GPRC6A: variants seen among roughly 807,000 people sequenced by gnomAD.
GPRC6A encodes the protein G protein-coupled receptor family C group 6 member A.
Under a neutral mutation model 47.0 loss-of-function variants are expected in GPRC6A, and 54 were observed. The ratio of observed to expected loss-of-function variants is 1.15; its 90% CI spans 0.92 to 1.44. The LOEUF is 1.44. Ranked by LOEUF, GPRC6A falls within the 40% of genes most tolerant of loss-of-function variation. The probability of loss-of-function intolerance (pLI) is 0.00; values close to 1 mark genes in which losing one functional copy is unlikely to be tolerated. For synonymous variants in GPRC6A, 347 were observed against 377.1 expected, an observed-to-expected ratio of 0.92 and a Z score of 0.93; for missense variants, 1,112 against 1,105.5, an observed-to-expected ratio of 1.01 and a Z score of -0.08.
chr6:116,817,986 A>G (rs1281772393), intron 1 of GPRC6A, among the ~76,000 whole-genome samples: 2 of 152,134 alleles, frequency 1.3e-5, no homozygotes, highest in Admixed American at 1.3e-4. Flanking sequence ...AACTTCCCCA[A>G]TCTAGCAAGG....
intron 1 of GPRC6A, among the ~76,000 whole-genome samples, chr6:116,818,967 C>T (rs1266616294): frequency 6.6e-6 from 1 of 152,140 alleles, no homozygotes; most frequent in African/African-American, 2.4e-5. Context: ...AAACCCATCT[C>T]ACGTGCAGAG....
intron 4 of GPRC6A, among the ~76,000 whole-genome samples, chr6:116,798,563 C>T (rs1008868309): frequency 1.3e-5 from 2 of 152,116 alleles, no homozygotes; most frequent in African/African-American, 4.8e-5. Flanking sequence ...CTATGTTTTA[C>T]AGGACCACTT....
rs1185893549 is a variant in GPRC6A, at chr6:116,828,826, C to T, written c.188G>A (p.Cys63Tyr). ...TTTTTTGAGACTTACTCACCCAACA[C>T]ACTCCTGGATTTGTGGTCGTCTGGG... ...DSPRRPQIQE[C>Y]VGFEISVFLQ... The change falls in exon 1 of 6, where the codon TGT becomes TAT. Residue 63 changes from cysteine to tyrosine, a missense_variant. Transcript: ENST00000310357. 2 of 1,611,310 alleles carry T rather than the reference C, an allele frequency of 1.2e-6. No individual in the cohort carries two copies. The highest frequency in any genetic ancestry group is 1.7e-5 in the Admixed American group (1 of 59,766).
At chr6:116,806,252 CTATT>C (rs1168504232) in intron 3 of GPRC6A, 114 bp downstream of exon 3, 9 of 669,522 alleles carry the variant, frequency 1.3e-5, no homozygotes, top group Non-Finnish European at 2.4e-5. Flanking sequence ...CTGAAAGTGT[CTATT>C]TATAAAAGGA....
chr6:116,809,891 T>C lies in GPRC6A; in HGVS notation c.195-274A>G, dbSNP rs138973448. Among the ~76,000 whole-genome samples, 53 of 152,302 alleles carry C rather than the reference T, an allele frequency of 3.5e-4. 1 individual carries two copies. The highest frequency in any genetic ancestry group is 1.0e-3 in the African/African-American group (43 of 41,570). On this transcript the variant is annotated intron_variant, in intron 1 of 5. Coordinates refer to ENST00000310357, the MANE Select transcript of GPRC6A (RefSeq NM_148963.4). ...TTTTGAACACTGCAATATGAAGATG[T>C]GTTTGATTTTTGTTCCTTTTTGTAG...
chr6:116,821,408 C>A (rs937061448), intron 1 of GPRC6A, among the ~76,000 whole-genome samples: 1 of 152,064 alleles, frequency 6.6e-6, no homozygotes, highest in African/African-American at 2.4e-5. Flanking sequence ...CCAAGTCAAT[C>A]CTAAGCCAAA....
chr6:116,792,946 A>G lies in GPRC6A; in HGVS notation c.1977T>C (p.Cys659=). The G allele has an allele frequency of 6.2e-7, 1 of 1,614,096 alleles. No individual in the cohort carries two copies. The highest frequency in any genetic ancestry group is 8.5e-7 in the Non-Finnish European group (1 of 1,179,968). Residue 659 remains cysteine, a synonymous_variant, in exon 6 of 6, where the codon TGT becomes TGC. Transcript: ENST00000310357. ...FFIGEPQDFT[C]KTRQTMFGVS... ...CTCCAAACATTGTCTGCCTGGTTTT[A>G]CATGTGAAGTCTTGTGGTTCTCCAA...
chr6:116,827,166 T>C (rs1175347370), intron 1 of GPRC6A, among the ~76,000 whole-genome samples: 4 of 151,986 alleles, frequency 2.6e-5, no homozygotes, highest in East Asian at 3.9e-4. Context: ...TTAGCAACAA[T>C]GTATTGGATA....
At position 116,809,561 on chromosome 6, in the gene GPRC6A, A is replaced by G. The variant is rs1562483363; in HGVS notation, c.251T>C (p.Ile84Thr). 1.2e-6 allele frequency: 2 copies of G among 1,612,752 alleles called. No individual in the cohort carries two copies. The change falls in exon 2 of 6, where the codon ATC becomes ACC. Residue 84 changes from isoleucine to threonine, a missense_variant. Transcript: ENST00000310357. ...TLAMIHSIEM[I>T]NNSTLLPGVK... is the part of the protein sequence containing the mutation. Reference sequence around the variant, plus strand: ...TCCAGGTAAGAGTGTTGAATTGTTGATCATCTCAATGCTGTGTATCATGGC... The same window carrying G: ...TCCAGGTAAGAGTGTTGAATTGTTGGTCATCTCAATGCTGTGTATCATGGC...
intron 1 of GPRC6A, among the ~76,000 whole-genome samples, chr6:116,820,401 AC>A (rs1773422613): frequency 6.6e-6 from 1 of 152,082 alleles, no homozygotes; most frequent in Non-Finnish European, 1.5e-5. Context: ...CAGAGACACA[AC>A]CAAAAAAGAG....
Position 116,824,940 on chromosome 6 carries a change from A to C in GPRC6A, c.194+3880T>G, listed in dbSNP as rs117859216. Reference sequence around the variant, plus strand: ...ATGCAAGGATAGTTTAACATATACAAATCAATAAATGTAATACATCACATC... The same window carrying C: ...ATGCAAGGATAGTTTAACATATACACATCAATAAATGTAATACATCACATC... On this transcript the variant is annotated intron_variant, in intron 1 of 5. Coordinates refer to ENST00000310357, the MANE Select transcript of GPRC6A (RefSeq NM_148963.4). Among the ~76,000 whole-genome samples the C allele has an allele frequency of 2.2e-3, 333 of 152,244 alleles. 4 individuals are homozygous for C. Among genetic ancestry groups the C allele is most frequent in the Non-Finnish European group, 5.7e-4 (39 of 67,974 alleles).
intron 1 of GPRC6A, among the ~76,000 whole-genome samples, chr6:116,814,418 G>A (rs1391639250): frequency 6.6e-6 from 1 of 152,148 alleles, no homozygotes; most frequent in Non-Finnish European, 1.5e-5. Context: ...GGAGTACTAT[G>A]CAGCCATAAA....
At position 116,800,565 on chromosome 6, in the gene GPRC6A, C is replaced by T. The variant is rs376053499; in HGVS notation, c.1548+19G>A. ...ACCAATTGCTTTGAGTGCTACAAAA[C>T]GGCCTACAACAAGGTTACCTTAAGA... On this transcript the variant is annotated intron_variant, in intron 4 of 5. Transcript: ENST00000310357. The T allele has an allele frequency of 2.8e-5, 43 of 1,548,732 alleles. No individual in the cohort carries two copies. Among genetic ancestry groups the T allele is most frequent in the South Asian group, 8.9e-5 (8 of 89,720 alleles).
In GPRC6A at chr6:116,793,230, A is replaced by G. The variant is rs1330621055; in HGVS notation, c.1693T>C (p.Cys565Arg). The change falls in exon 6 of 6, where the codon TGC (cysteine) becomes CGC (arginine). Residue 565 changes from cysteine to arginine, a missense_variant. Cys to Arg is a radical substitution (Grantham distance 180). Coordinates refer to ENST00000310357, the MANE Select transcript of GPRC6A (RefSeq NM_148963.4). ...NQTDMPHCLL[C>R]NNKTHWAPVR... ...GGGGCCCAGTGAGTTTTGTTGTTGC[A>G]TAAAAGGCAGTGAGGCATATCTAAA... 8 of 1,598,174 alleles carry G rather than the reference A, an allele frequency of 5.0e-6. No individual in the cohort carries two copies. The highest frequency in any genetic ancestry group is 2.7e-5 in the African/African-American group (2 of 74,264).
At chr6:116,815,753 G>A (rs1773184531) in intron 1 of GPRC6A, among the ~76,000 whole-genome samples, 1 of 152,158 alleles carries the variant, frequency 6.6e-6, no homozygotes, top group Admixed American at 6.5e-5. Context: ...TAAACCACAT[G>A]CTTCTGAATA....
At chr6:116,811,552 T>G (rs1248336289) in intron 1 of GPRC6A, among the ~76,000 whole-genome samples, 1 of 151,848 alleles carries the variant, frequency 6.6e-6, no homozygotes, top group Non-Finnish European at 1.5e-5. Context: ...AGAATCCAAA[T>G]TAGATTCTAA....
At chr6:116,814,824 T>C (rs1423287516) in intron 1 of GPRC6A, among the ~76,000 whole-genome samples, 1 of 151,966 alleles carries the variant, frequency 6.6e-6, no homozygotes, top group African/African-American at 2.4e-5. Flanking sequence ...TATATGCAAC[T>C]TACAAGAAAT....
At position 116,817,291 on chromosome 6, in the gene GPRC6A, C is replaced by T. The variant is rs1003509102; in HGVS notation, c.195-7674G>A. 2.3e-3 allele frequency among the ~76,000 whole-genome samples: 355 copies of T among 151,928 alleles called. 1 individual carries two copies. The highest frequency in any genetic ancestry group is 7.3e-3 in the African/African-American group (302 of 41,412). ...AGCAGGGGCACACTGACATCTCACA[C>T]GGCAGCGTATTCCAACAGACCTGCA... On this transcript the variant is annotated intron_variant, in intron 1 of 5. Coordinates refer to ENST00000310357, the MANE Select transcript of GPRC6A (RefSeq NM_148963.4).
At chr6:116,796,894 T>C (rs907218783) in intron 4 of GPRC6A, among the ~76,000 whole-genome samples, 5 of 152,124 alleles carry the variant, frequency 3.3e-5, no homozygotes, top group African/African-American at 1.2e-4. Flanking sequence ...TTATTTATTA[T>C]TATTATACTT....
Sources: allele counts gnomAD v4.1 joint callset (sites outside exome capture counted in the v4.1 genomes callset), GRCh38; gene constraint gnomAD v4.1.1; transcripts MANE v1.5; gene names NCBI Gene and HGNC (gene_info 2026-07-23, HGNC 2026-07-21).